Variants in ACER3 observed in about 807,000 individuals in gnomAD.
ACER3 encodes the protein alkCDase 3.
Under a neutral mutation model 48.9 loss-of-function variants are expected in ACER3, and 16 were observed. That is an observed-to-expected ratio of 0.33 (90% CI 0.22 to 0.50). The LOEUF (loss-of-function observed/expected upper bound fraction) is 0.50, where lower values mean the gene tolerates loss of function less well. Among genes scored for constraint, ACER3 ranks in the 20% least tolerant of loss-of-function variants. ACER3 has a pLI of 0.98. For synonymous variants in ACER3, 109 were observed against 107.8 expected (o/e 1.01, Z -0.07); for missense variants, 227 against 326.0 (o/e 0.70, Z 2.34).
In ACER3 at chr11:77,021,611, T is replaced by C. The variant is rs929470081; in HGVS notation, c.*1284T>C. ...TTTTTATGACTTTTTTTGCTTTATA[T>C]AAATTATTGTAAAATCCAGATTGTT... On this transcript the variant is annotated 3_prime_UTR_variant, in exon 11 of 11. Transcript: ENST00000532485. 1 of 152,202 alleles carries C rather than the reference T, an allele frequency of 6.6e-6. No individual in the cohort carries two copies. The highest frequency in any genetic ancestry group is 2.4e-5 in the African/African-American group (1 of 41,450). The allele number at this position is 152,202 out of a possible 1,614,324, so 9.4% of individuals were successfully genotyped here. A position where few individuals can be genotyped will look rare whatever the true frequency, so the allele number is the denominator to read the frequency against.
chr11:76,897,721 G>A (rs1173360310), intron 1 of ACER3, among the ~76,000 whole-genome samples: 1 of 151,746 alleles, frequency 6.6e-6, no homozygotes, highest in African/African-American at 2.4e-5. Context: ...TTTTTTGAAA[G>A]GACAAGGCTC....
intron 1 of ACER3, among the ~76,000 whole-genome samples, chr11:76,871,103 A>G (rs1945231299): frequency 6.6e-6 from 1 of 152,230 alleles, no homozygotes; most frequent in Non-Finnish European, 1.5e-5. Flanking sequence ...TGCAAGTGGC[A>G]AAGCGAAGAT....
At chr11:77,003,182 G>A (rs185097979) in intron 7 of ACER3, among the ~76,000 whole-genome samples, 1 of 152,192 alleles carries the variant, frequency 6.6e-6, no homozygotes, top group Admixed American at 6.5e-5. Flanking sequence ...AAAATTACAG[G>A]TTCAGCTTCT....
intron 1 of ACER3, among the ~76,000 whole-genome samples, chr11:76,902,799 A>C (rs1315709983): frequency 6.6e-6 from 1 of 152,200 alleles, no homozygotes; most frequent in Admixed American, 6.5e-5. Context: ...ATAGTGTTTT[A>C]AGCAGATGCT....
chr11:77,001,131 T>G (rs1234116752), intron 7 of ACER3, among the ~76,000 whole-genome samples: 1 of 152,234 alleles, frequency 6.6e-6, no homozygotes, highest in African/African-American at 2.4e-5. Flanking sequence ...TGATATTGTA[T>G]TTTTAAATTT....
At chr11:76,966,401 G>A (rs1419088571) in intron 3 of ACER3, among the ~76,000 whole-genome samples, 1 of 149,894 alleles carries the variant, frequency 6.7e-6, no homozygotes, top group South Asian at 2.1e-4. Context: ...ACAGATCAAC[G>A]AGACAGAAAG....
chr11:76,948,254 T>TA lies in ACER3; in HGVS notation c.215-10725_215-10724insA, dbSNP rs916654479. Among the ~76,000 whole-genome samples, 8 of 151,250 alleles carry TA rather than the reference T, an allele frequency of 5.3e-5. 1 individual carries two copies. Among genetic ancestry groups the TA allele is most frequent in the African/African-American group, 1.5e-4 (6 of 40,980 alleles). On this transcript the variant is annotated intron_variant, in intron 2 of 10. Transcript: ENST00000532485. ...GTGTGTGTGTGTGTGTGTGTGTGTG[T>TA]GTGTGTGTGTAGGTGTGTAGGTTAC...
At chr11:77,007,585 C>G (rs1949180706) in intron 7 of ACER3, among the ~76,000 whole-genome samples, 1 of 152,230 alleles carries the variant, frequency 6.6e-6, no homozygotes, top group Non-Finnish European at 1.5e-5. Flanking sequence ...GCCATGGTAT[C>G]TCTGGCCAGT....
chr11:76,915,169 C>A (rs1946491037), intron 1 of ACER3, among the ~76,000 whole-genome samples: 1 of 151,340 alleles, frequency 6.6e-6, no homozygotes, highest in Non-Finnish European at 1.5e-5. Flanking sequence ...CACATGTACC[C>A]TAGGACTTAA....
chr11:76,867,506 A>T (rs1945126443), intron 1 of ACER3, among the ~76,000 whole-genome samples: 1 of 148,984 alleles, frequency 6.7e-6, no homozygotes. Context: ...AAGAAAGAAA[A>T]GTAGCTGAGA....
intron 1 of ACER3, among the ~76,000 whole-genome samples, chr11:76,877,409 TTCATTTA>T: frequency 6.6e-6 from 1 of 152,204 alleles, no homozygotes; most frequent in South Asian, 2.1e-4. Context: ...CACTCACTTA[TTCATTTA>T]TACAAAATGA....
At chr11:77,004,297 A>C (rs1949090878) in intron 7 of ACER3, among the ~76,000 whole-genome samples, 1 of 152,236 alleles carries the variant, frequency 6.6e-6, no homozygotes, top group South Asian at 2.1e-4. Context: ...CAAAGTGTCG[A>C]GTATACAAAG....
At position 77,025,576 on chromosome 11, in the gene ACER3, C is replaced by T. The variant is rs573296730; in HGVS notation, c.*5249C>T. The T allele has an allele frequency of 1.8e-4, 28 of 152,014 alleles. No homozygotes were observed. Among genetic ancestry groups the T allele is most frequent in the African/African-American group, 5.3e-4 (22 of 41,442 alleles). 9.4% of individuals were successfully genotyped at this position (152,014 alleles called of 1,614,324 possible). ...GGCACATGCCACCATGCCACCATGC[C>T]TGGCTGATTTTTGTATTTTTAGTAG... On this transcript the variant is annotated 3_prime_UTR_variant, in exon 11 of 11. Coordinates refer to ENST00000532485, the MANE Select transcript of ACER3 (RefSeq NM_018367.7).
chr11:76,884,764 CTTTTTTAAT>C (rs1428297547), intron 1 of ACER3, among the ~76,000 whole-genome samples: 1 of 151,720 alleles, frequency 6.6e-6, no homozygotes, highest in Non-Finnish European at 1.5e-5. Flanking sequence ...TTTCATTTTT[CTTTTTTAAT>C]TTTTTTTTGA....
rs1422117521 is a variant in ACER3, at chr11:77,021,441, T to C, written c.*1114T>C. ...CTAAAAAAATGACAGTGAAATCTCA[T>C]CGTAAGGCAGCTAGTTCTAATTTGC... is the stretch of plus-strand genomic sequence containing the variant. On this transcript the variant is annotated 3_prime_UTR_variant, in exon 11 of 11. Transcript: ENST00000532485. 6.6e-6 allele frequency: 1 copy of C among 152,184 alleles called. No individual in the cohort carries two copies. The highest frequency in any genetic ancestry group is 1.5e-5 in the Non-Finnish European group (1 of 68,034). 9.4% of individuals were successfully genotyped at this position (152,184 alleles called of 1,614,324 possible).
intron 1 of ACER3, among the ~76,000 whole-genome samples, chr11:76,861,446 C>G (rs1022457842): frequency 6.6e-6 from 1 of 152,016 alleles, no homozygotes; most frequent in African/African-American, 2.4e-5. Context: ...AGGACCCTGC[C>G]CCTTGGAATG....
intron 1 of ACER3, chr11:76,868,387 CT>C: frequency 2.4e-6 from 1 of 413,776 alleles, no homozygotes; most frequent in Non-Finnish European, 3.9e-6. Context: ...CTCTCTCTCT[CT>C]CTCTGTGTGT....
chr11:76,958,631 T>C (rs1947907847), intron 2 of ACER3, among the ~76,000 whole-genome samples: 1 of 152,236 alleles, frequency 6.6e-6, no homozygotes, highest in African/African-American at 2.4e-5. Context: ...TTAGTAAGCA[T>C]ACACCTTAGC....
intron 1 of ACER3, among the ~76,000 whole-genome samples, chr11:76,920,336 C>T (rs1243733193): frequency 6.6e-6 from 1 of 152,196 alleles, no homozygotes; most frequent in East Asian, 1.9e-4. Context: ...AGAGTTCTGA[C>T]AAGTTCTGAA....
Sources: allele counts gnomAD v4.1 joint callset (sites outside exome capture counted in the v4.1 genomes callset), GRCh38; gene constraint gnomAD v4.1.1; transcripts MANE v1.5; gene names NCBI Gene and HGNC (gene_info 2026-07-23, HGNC 2026-07-21).